The following STAU2 variants were observed in gnomAD, a reference collection of about 807,000 sequenced individuals.
STAU2 encodes the protein staufen double-stranded RNA binding protein 2.
Under a neutral mutation model 65.9 loss-of-function variants are expected in STAU2, and 20 were observed. The ratio of observed to expected loss-of-function variants is 0.30; its 90% CI spans 0.21 to 0.44. The LOEUF (loss-of-function observed/expected upper bound fraction) is 0.44, where lower values mean the gene tolerates loss of function less well. STAU2 is among the 20% of genes least tolerant of loss of function. The probability of loss-of-function intolerance (pLI) is 1.00; values close to 1 mark genes in which losing one functional copy is unlikely to be tolerated. For synonymous variants in STAU2, 232 were observed against 233.9 expected (o/e 0.99, Z 0.07); for missense variants, 558 against 683.9 (o/e 0.82, Z 2.05).
chr8:73,514,967 G>C (rs1382894036), intron 13 of STAU2, among the ~76,000 whole-genome samples: 1 of 152,080 alleles, frequency 6.6e-6, no homozygotes, highest in Non-Finnish European at 1.5e-5. Flanking sequence ...CATGCAGCTG[G>C]TGGTTAAAAC....
rs150890857 is a variant in STAU2 at position 73,742,844 on chromosome 8, A to C, written c.-196-2976T>G. On this transcript the variant is annotated intron_variant, in intron 1 of 14. Transcript: ENST00000524300. ...ACATTTTGCCCATCTGAGAAATTAA[A>C]AGCTGCACAGAAATCTATATAATCC... Among the ~76,000 whole-genome samples, 8 of 152,252 alleles carry C rather than the reference A, an allele frequency of 5.3e-5. No homozygotes were observed. The East Asian group carries it at 9.6e-4, about 18-fold the overall frequency.
At chr8:73,441,714 A>G (rs1818152764) in intron 13 of STAU2, among the ~76,000 whole-genome samples, 1 of 152,220 alleles carries the variant, frequency 6.6e-6, no homozygotes, top group South Asian at 2.1e-4. Flanking sequence ...ATTAGGGAGC[A>G]GATTATTTCG....
intron 11 of STAU2, among the ~76,000 whole-genome samples, chr8:73,593,205 T>G (rs941705401): frequency 3.3e-5 from 5 of 152,220 alleles, no homozygotes; most frequent in Admixed American, 1.3e-4. Flanking sequence ...CTGGCCTTTC[T>G]GCCTTTGGTT....
intron 13 of STAU2, among the ~76,000 whole-genome samples, chr8:73,437,654 G>A (rs1260796126): frequency 6.6e-6 from 1 of 152,168 alleles, no homozygotes; most frequent in Non-Finnish European, 1.5e-5. Context: ...TCTTTTTAAG[G>A]GGGACTGAAA....
chr8:73,655,196 G>C (rs1816261469), intron 6 of STAU2, among the ~76,000 whole-genome samples: 1 of 152,174 alleles, frequency 6.6e-6, no homozygotes, highest in African/African-American at 2.4e-5. Context: ...TACAGCTAAA[G>C]TTTTAATTCA....
chr8:73,679,172 G>C (rs1818219943), intron 5 of STAU2, among the ~76,000 whole-genome samples: 1 of 152,132 alleles, frequency 6.6e-6, no homozygotes, highest in African/African-American at 2.4e-5. Flanking sequence ...TTAACCTAAT[G>C]TTATCAATTA....
chr8:73,746,973 C>T (rs931792510), upstream of STAU2: 86 of 665,366 alleles, frequency 1.3e-4, 1 homozygote, highest in African/African-American at 1.5e-3. Context: ...CCTGCGCAGC[C>T]GCTCCCGCGC....
intron 3 of STAU2, among the ~76,000 whole-genome samples, chr8:73,709,925 A>G (rs1377060763): frequency 6.6e-6 from 1 of 151,826 alleles, no homozygotes; most frequent in Admixed American, 6.6e-5. Flanking sequence ...TACTTTCTTC[A>G]CTCTTCATTG....
chr8:73,602,818 A>G (rs1811735888), intron 10 of STAU2, among the ~76,000 whole-genome samples: 1 of 152,260 alleles, frequency 6.6e-6, no homozygotes, highest in East Asian at 1.9e-4. Context: ...CTAATGAATC[A>G]TGTCTAATGT....
chr8:73,688,502 GTGTGTGTGTGTGT>G, intron 5 of STAU2, 139 bp downstream of exon 5: 2 of 442,922 alleles, frequency 4.5e-6, no homozygotes, highest in South Asian at 3.1e-5. Context: ...GTGTGTGTGT[GTGTGTGTGTGTGT>G]GTGTGTGTGT....
intron 12 of STAU2, among the ~76,000 whole-genome samples, chr8:73,571,067 G>C (rs1378829675): frequency 6.6e-6 from 1 of 151,330 alleles, no homozygotes; most frequent in Non-Finnish European, 1.5e-5. Context: ...CAAGCAAATG[G>C]GAAACAAAAA....
chr8:73,657,336 T>C (rs1816457454), intron 6 of STAU2, among the ~76,000 whole-genome samples: 1 of 152,116 alleles, frequency 6.6e-6, no homozygotes, highest in Non-Finnish European at 1.5e-5. Context: ...TAGAAATTAA[T>C]AACAAAATTT....
intron 12 of STAU2, among the ~76,000 whole-genome samples, chr8:73,557,937 C>T (rs554248858): frequency 1.4e-4 from 22 of 152,270 alleles, no homozygotes; most frequent in Admixed American, 3.9e-4. Flanking sequence ...TGTTCTAGTA[C>T]TTTACTTCTC....
chr8:73,522,642 T>C (rs1823101583), intron 13 of STAU2, among the ~76,000 whole-genome samples: 1 of 152,196 alleles, frequency 6.6e-6, no homozygotes, highest in Non-Finnish European at 1.5e-5. Context: ...ATTTAAGCTA[T>C]GTTTTTGTTC....
intron 3 of STAU2, among the ~76,000 whole-genome samples, chr8:73,730,677 A>C (rs1176688809): frequency 6.6e-6 from 1 of 150,750 alleles, no homozygotes; most frequent in African/African-American, 2.4e-5. Context: ...CGGTGAGCCA[A>C]GATGGAGACA....
intron 12 of STAU2, among the ~76,000 whole-genome samples, chr8:73,562,225 C>T (rs1397168153): frequency 1.3e-5 from 2 of 152,204 alleles, no homozygotes; most frequent in South Asian, 2.1e-4. Context: ...GTGGCTCACA[C>T]CTGTGATCCC....
chr8:73,515,494 A>G (rs1421221202), intron 13 of STAU2, among the ~76,000 whole-genome samples: 1 of 152,188 alleles, frequency 6.6e-6, no homozygotes, highest in Non-Finnish European at 1.5e-5. Flanking sequence ...TGAAATGTAA[A>G]GTGCAGACAA....
chr8:73,725,347 A>T (rs1805549448), intron 3 of STAU2, among the ~76,000 whole-genome samples: 1 of 152,224 alleles, frequency 6.6e-6, no homozygotes, highest in Admixed American at 6.5e-5. Context: ...GCCTACCTTC[A>T]AATATCATTC....
chr8:73,724,010 A>G (rs1009999386), intron 3 of STAU2, among the ~76,000 whole-genome samples: 3 of 152,222 alleles, frequency 2.0e-5, no homozygotes, highest in African/African-American at 4.8e-5. Flanking sequence ...TCTTGTTTTT[A>G]TAATTTACTA....
Sources: allele counts gnomAD v4.1 joint callset (sites outside exome capture counted in the v4.1 genomes callset), GRCh38; gene constraint gnomAD v4.1.1; transcripts MANE v1.5; gene names NCBI Gene and HGNC (gene_info 2026-07-23, HGNC 2026-07-21).